The following DUS2 variants were observed in gnomAD, a reference collection of about 807,000 sequenced individuals.
DUS2 encodes dihydrouridine synthase 2.
In DUS2, 52 loss-of-function variants were observed where a neutral mutation model predicts 71.3. That is an observed-to-expected ratio of 0.73 (90% confidence interval 0.58 to 0.92). The LOEUF is 0.92. DUS2 is among the 40% of genes least tolerant of loss of function. DUS2 has a pLI of 0.00. For synonymous variants in DUS2, 204 were observed against 227.8 expected, an observed-to-expected ratio of 0.90 and a Z score of 0.94; for missense variants, 558 against 622.6, an observed-to-expected ratio of 0.90 and a Z score of 1.10.
Position 68,049,570 on chromosome 16 carries a change from C to G in DUS2, c.172+20C>G, listed in dbSNP as rs745898288. On this transcript the variant is annotated intron_variant, in intron 4 of 16. Transcript: ENST00000565263. ...TTAATGGTGAGTACAGATCTGGCTC[C>G]AGAATTATGCATATGCCCTGCTGGG... 5.6e-6 allele frequency: 9 copies of G among 1,613,238 alleles called. 1 individual carries two copies. Among genetic ancestry groups the G allele is most frequent in the Non-Finnish European group, 7.6e-6 (9 of 1,179,216 alleles).
At chr16:68,047,357 C>T (rs908786639) in intron 3 of DUS2, among the ~76,000 whole-genome samples, 2 of 152,008 alleles carry the variant, frequency 1.3e-5, no homozygotes, top group Non-Finnish European at 2.9e-5. Context: ...TCTGGCCTCT[C>T]TCATTCTGAT....
At chr16:68,059,138 C>T (rs764190342) in intron 7 of DUS2, among the ~76,000 whole-genome samples, 2 of 151,968 alleles carry the variant, frequency 1.3e-5, no homozygotes, top group Non-Finnish European at 2.9e-5. Context: ...GCATGAACCC[C>T]AGAGGCAGAG....
At chr16:68,040,075 A>G (rs1012819705) in intron 3 of DUS2, among the ~76,000 whole-genome samples, 2 of 151,278 alleles carry the variant, frequency 1.3e-5, no homozygotes, top group South Asian at 2.1e-4. Context: ...AGAGGACAGG[A>G]ATCTTTTTTT....
At chr16:68,034,509 C>G (rs1259698628) in intron 2 of DUS2, among the ~76,000 whole-genome samples, 1 of 152,132 alleles carries the variant, frequency 6.6e-6, no homozygotes, top group Non-Finnish European at 1.5e-5. Context: ...TGTGCCACCA[C>G]CCCCAGCTAA....
intron 1 of DUS2, among the ~76,000 whole-genome samples, chr16:68,024,857 A>T (rs1340433174): frequency 6.9e-6 from 1 of 145,724 alleles, no homozygotes; most frequent in Non-Finnish European, 1.5e-5. Context: ...TTTTATAGAC[A>T]GTCTCACTGT....
intron 2 of DUS2, among the ~76,000 whole-genome samples, chr16:68,036,587 G>A (rs1232911353): frequency 1.3e-5 from 2 of 152,054 alleles, no homozygotes; most frequent in African/African-American, 4.8e-5. Flanking sequence ...ACAAGCGCGA[G>A]CCACAGTGCC....
At chr16:68,032,198 C>T (rs1480991723) in intron 2 of DUS2, among the ~76,000 whole-genome samples, 1 of 152,190 alleles carries the variant, frequency 6.6e-6, no homozygotes, top group Non-Finnish European at 1.5e-5. Context: ...GTGTGTCAGG[C>T]ACCTCTGACT....
At chr16:68,054,525 T>C (rs1266269659) in intron 5 of DUS2, 49 bp from the exon 6 acceptor site, 1 of 1,607,506 alleles carries the variant, frequency 6.2e-7, no homozygotes, top group East Asian at 2.2e-5. Flanking sequence ...TGTCAGTGCA[T>C]GTGTATCTGT....
chr16:68,065,828 T>C (rs1396042033), intron 8 of DUS2, among the ~76,000 whole-genome samples: 1 of 151,876 alleles, frequency 6.6e-6, no homozygotes, highest in Admixed American at 6.6e-5. Context: ...AGCCGTGTGT[T>C]CTTAACCAAG....
At chr16:68,043,820 A>T (rs1035340291) in intron 3 of DUS2, among the ~76,000 whole-genome samples, 3 of 152,038 alleles carry the variant, frequency 2.0e-5, no homozygotes, top group Non-Finnish European at 4.4e-5. Flanking sequence ...GCATGCCCCC[A>T]TGCCTGCTTA....
intron 15 of DUS2, among the ~76,000 whole-genome samples, chr16:68,077,019 G>A (rs1380135540): frequency 6.6e-6 from 1 of 152,026 alleles, no homozygotes; most frequent in African/African-American, 2.4e-5. Flanking sequence ...AACTTTGGGA[G>A]GCCGAGGCAG....
At chr16:68,029,004 G>T (rs1180589103) in intron 2 of DUS2, among the ~76,000 whole-genome samples, 1 of 152,094 alleles carries the variant, frequency 6.6e-6, no homozygotes, top group Non-Finnish European at 1.5e-5. Context: ...TTGGAGACTA[G>T]CCTGAGCAAC....
intron 4 of DUS2, among the ~76,000 whole-genome samples, chr16:68,053,119 C>T (rs968171857): frequency 3.6e-4 from 55 of 152,114 alleles, no homozygotes; most frequent in African/African-American, 1.3e-3. Flanking sequence ...TACCCCACCA[C>T]GCCTGGCTAA....
chr16:68,030,554 G>A (rs1163859215), intron 2 of DUS2, among the ~76,000 whole-genome samples: 2 of 151,986 alleles, frequency 1.3e-5, no homozygotes, highest in South Asian at 2.1e-4. Flanking sequence ...TCATGCCACT[G>A]TACTCTAGCC....
chr16:68,038,643 T>C (rs1303128966), intron 3 of DUS2, among the ~76,000 whole-genome samples: 2 of 151,254 alleles, frequency 1.3e-5, no homozygotes, highest in African/African-American at 4.9e-5. Flanking sequence ...GGCAGGAGAA[T>C]TGCTTGAACC....
At chr16:68,039,132 T>G (rs2033582410) in intron 3 of DUS2, among the ~76,000 whole-genome samples, 1 of 152,026 alleles carries the variant, frequency 6.6e-6, no homozygotes, top group South Asian at 2.1e-4. Flanking sequence ...AAACAAACCC[T>G]TATGTACTGG....
At chr16:68,071,173 CTT>C in intron 12 of DUS2, 65 bp downstream of exon 12, 1 of 1,565,434 alleles carries the variant, frequency 6.4e-7, no homozygotes, top group South Asian at 1.1e-5. Flanking sequence ...GCAGAGAGCA[CTT>C]TGTGTGAGCC....
chr16:68,026,875 GAAAAAAAAAA>G (rs397723152), intron 2 of DUS2: 1 of 63,684 alleles, frequency 1.6e-5, no homozygotes, highest in East Asian at 5.0e-4. Context: ...GAGTCTATCT[GAAAAAAAAAA>G]AAAAAAAAAA....
chr16:68,040,191 T>G (rs1348774305), intron 3 of DUS2, among the ~76,000 whole-genome samples: 2 of 152,048 alleles, frequency 1.3e-5, no homozygotes, highest in Non-Finnish European at 2.9e-5. Flanking sequence ...TTCAAGTGAT[T>G]CTCCCAACTC....
Sources: gnomAD v4.1 joint callset for allele counts (sites outside exome capture counted in the v4.1 genomes callset) on GRCh38, gnomAD v4.1.1 for gene constraint, MANE v1.5 for transcripts, NCBI Gene and HGNC (gene_info 2026-07-23, HGNC 2026-07-21) for gene names.